Variants in PSMA1 observed in about 807,000 individuals in gnomAD.
PSMA1 encodes proteasome 20S subunit alpha 1.
Under a neutral mutation model 38.4 loss-of-function variants are expected in PSMA1, and 3 were observed. The observed-to-expected ratio is 0.08, with a 90% confidence interval of 0.04 to 0.20. PSMA1 has a LOEUF of 0.20. PSMA1 is among the 10% of genes least tolerant of loss of function. The pLI is 1.00. For synonymous variants in PSMA1, 101 were observed against 107.1 expected (o/e 0.94, Z 0.35); for missense variants, 227 against 325.3 (o/e 0.70, Z 2.32).
intron 2 of PSMA1, 121 bp from the exon 3 acceptor site, chr11:14,518,102 GA>G: frequency 1.4e-6 from 1 of 696,176 alleles, no homozygotes. Flanking sequence ...TTAATCAAGA[GA>G]CCTTTTTTTT....
chr11:14,549,887 A>G lies in PSMA1; in HGVS notation c.22-30846T>C, dbSNP rs550270907. On this transcript the variant is annotated intron_variant, in intron 2 of 10. Transcript: ENST00000418988. Reference sequence around the variant, plus strand: ...GCCCTGCTGCTCCAATGGCAAGAGGATGGGGTCAGTAGGTAATATGTTGGA... The same window carrying G: ...GCCCTGCTGCTCCAATGGCAAGAGGGTGGGGTCAGTAGGTAATATGTTGGA... 1.2e-3 allele frequency among the ~76,000 whole-genome samples: 184 copies of G among 152,202 alleles called. 1 individual carries two copies. The highest frequency in any genetic ancestry group is 4.3e-3 in the African/African-American group (177 of 41,524).
intron 2 of PSMA1, among the ~76,000 whole-genome samples, chr11:14,575,262 A>G (rs1313563128): frequency 6.6e-6 from 1 of 152,190 alleles, no homozygotes; most frequent in South Asian, 2.1e-4. Flanking sequence ...AAAATTTATT[A>G]TAGTTTAATT....
chr11:14,554,612 C>T (rs573524816), intron 2 of PSMA1, among the ~76,000 whole-genome samples: 2 of 152,152 alleles, frequency 1.3e-5, no homozygotes, highest in South Asian at 2.1e-4. Flanking sequence ...TGTTGAAAAT[C>T]GGTTGGCTAT....
intron 2 of PSMA1, among the ~76,000 whole-genome samples, chr11:14,599,583 C>T (rs1453301034): frequency 1.3e-5 from 2 of 152,232 alleles, no homozygotes; most frequent in Non-Finnish European, 2.9e-5. Context: ...TGGTTTTCAG[C>T]TCCATCAGGT....
chr11:14,576,629 A>T (rs1242726042), intron 2 of PSMA1, among the ~76,000 whole-genome samples: 2 of 152,088 alleles, frequency 1.3e-5, no homozygotes, highest in African/African-American at 2.4e-5. Context: ...GTTCTGTTCC[A>T]TTGATCTATA....
At chr11:14,589,448 T>TTA (rs200175041) in intron 2 of PSMA1, among the ~76,000 whole-genome samples, 12 of 150,304 alleles carry the variant, frequency 8.0e-5, no homozygotes, top group South Asian at 2.1e-4. Context: ...TGTGTGTGTA[T>TTA]TATATATATA....
chr11:14,634,622 G>T (rs1015741649), intron 1 of PSMA1, among the ~76,000 whole-genome samples: 1 of 152,086 alleles, frequency 6.6e-6, no homozygotes, highest in Non-Finnish European at 1.5e-5. Context: ...GGGATTACAG[G>T]CATGAGCCAC....
At chr11:14,557,948 C>T (rs1226240443) in intron 2 of PSMA1, among the ~76,000 whole-genome samples, 3 of 152,150 alleles carry the variant, frequency 2.0e-5, no homozygotes, top group African/African-American at 2.4e-5. Flanking sequence ...TGCTATTTAT[C>T]GTCCTTCTTT....
intron 9 of PSMA1, 97 bp downstream of exon 9, chr11:14,507,559 T>A (rs1851265458): frequency 1.2e-6 from 1 of 843,142 alleles, no homozygotes; most frequent in South Asian, 1.5e-5. Context: ...TGGGCCCATT[T>A]CAATATTTAA....
rs780998411 is a variant in PSMA1 at position 14,534,349 on chromosome 11, G to A, written c.22-15308C>T. On this transcript the variant is annotated intron_variant, in intron 2 of 10. Transcript: ENST00000418988. This position sits in a 1 kb window ranked among gnomAD's most constrained non-coding sequence, Gnocchi z 4.5. ...TTTCTTCATGTCACATGCTTTAAAT[G>A]TCTGTATAGCTATAAGGTATTACAT... Among the ~76,000 whole-genome samples the A allele has an allele frequency of 6.6e-6, 1 of 152,086 alleles. No homozygotes were observed. The highest frequency in any genetic ancestry group is 1.5e-5 in the Non-Finnish European group (1 of 68,028).
chr11:14,583,403 C>T (rs559534061), intron 2 of PSMA1, among the ~76,000 whole-genome samples: 3 of 152,162 alleles, frequency 2.0e-5, no homozygotes, highest in Admixed American at 1.3e-4. Flanking sequence ...GAGATGCAGA[C>T]GAGTGCCTTC....
chr11:14,604,382 T>A (rs1007582796), intron 2 of PSMA1, among the ~76,000 whole-genome samples: 3 of 152,140 alleles, frequency 2.0e-5, no homozygotes, highest in African/African-American at 7.2e-5. Flanking sequence ...TTCTTGACTG[T>A]TATATTCTGT....
chr11:14,507,811 G>GA (rs1851271627), intron 8 of PSMA1, 45 bp from the exon 9 acceptor site: 1 of 1,211,810 alleles, frequency 8.3e-7, no homozygotes. Context: ...GAATTTGGAT[G>GA]AAAAAATACA....
At chr11:14,595,736 C>T (rs867592190) in intron 2 of PSMA1, among the ~76,000 whole-genome samples, 46 of 152,274 alleles carry the variant, frequency 3.0e-4, no homozygotes, top group African/African-American at 1.0e-3. Flanking sequence ...TGCAGAAGCT[C>T]TTGAGTTTAA....
intron 2 of PSMA1, among the ~76,000 whole-genome samples, chr11:14,595,326 A>C (rs1458069407): frequency 1.3e-5 from 2 of 152,168 alleles, no homozygotes; most frequent in Non-Finnish European, 2.9e-5. Flanking sequence ...TTGAGGAATC[A>C]CCACACTGTC....
intron 1 of PSMA1, among the ~76,000 whole-genome samples, chr11:14,616,982 A>C (rs571010305): frequency 1.3e-5 from 2 of 152,368 alleles, no homozygotes; most frequent in Non-Finnish European, 2.9e-5. Flanking sequence ...GTGAACCCCT[A>C]GTCACAGACA....
intron 2 of PSMA1, among the ~76,000 whole-genome samples, chr11:14,602,733 G>C (rs769691587): frequency 1.2e-4 from 19 of 152,164 alleles, no homozygotes; most frequent in Non-Finnish European, 2.6e-4. Flanking sequence ...TAAATATATA[G>C]AGAAAGGCAG....
intron 2 of PSMA1, among the ~76,000 whole-genome samples, chr11:14,605,426 C>T (rs1565056727): frequency 6.6e-6 from 1 of 152,098 alleles, no homozygotes; most frequent in Admixed American, 6.6e-5. Flanking sequence ...CTCTGTCACC[C>T]AGGTTGGAAT....
At chr11:14,571,298 C>G (rs549622252) in intron 2 of PSMA1, among the ~76,000 whole-genome samples, 1 of 152,154 alleles carries the variant, frequency 6.6e-6, no homozygotes, top group Non-Finnish European at 1.5e-5. Flanking sequence ...CTCCTGACCC[C>G]GTGATCTGCC....
Sources: gnomAD v4.1 joint callset for allele counts (sites outside exome capture counted in the v4.1 genomes callset) on GRCh38, gnomAD v4.1.1 for gene constraint, Gnocchi (gnomAD v3.1) non-coding constraint, MANE v1.5 for transcripts, NCBI Gene and HGNC (gene_info 2026-07-23, HGNC 2026-07-21) for gene names.